The following PLCH1 variants were observed in gnomAD, a reference collection of about 807,000 sequenced individuals.
The protein encoded by PLCH1 is phospholipase C eta 1.
Under a neutral mutation model 126.7 loss-of-function variants are expected in PLCH1, and 60 were observed. The observed-to-expected ratio is 0.47, with a 90% CI of 0.38 to 0.59. The LOEUF is 0.59. Among genes scored for constraint, PLCH1 ranks in the 20% least tolerant of loss-of-function variants. PLCH1 has a pLI of 0.00. For missense variants in PLCH1, 1,723 were observed against 2,040.0 expected, an observed-to-expected ratio of 0.84 and a Z score of 2.99; for synonymous variants, 719 against 734.9, an observed-to-expected ratio of 0.98 and a Z score of 0.35.
chr3:155,726,404 A>G (rs1380076225), intron 1 of PLCH1, among the ~76,000 whole-genome samples: 2 of 152,136 alleles, frequency 1.3e-5, no homozygotes, highest in East Asian at 3.9e-4. Flanking sequence ...ATAATATTCT[A>G]TTGTCTTCTG....
intron 1 of PLCH1, among the ~76,000 whole-genome samples, chr3:155,734,675 T>C (rs1446845706): frequency 1.3e-5 from 2 of 151,600 alleles, no homozygotes; most frequent in Non-Finnish European, 2.9e-5. Flanking sequence ...AAATGTGGTA[T>C]ATATATATAC....
intron 2 of PLCH1, among the ~76,000 whole-genome samples, chr3:155,624,858 C>T (rs560636689): frequency 3.9e-5 from 6 of 152,128 alleles, no homozygotes; most frequent in Non-Finnish European, 8.8e-5. Context: ...CATCAAGCTA[C>T]CACTGACTTT....
intron 14 of PLCH1, among the ~76,000 whole-genome samples, chr3:155,497,839 C>T (rs1054247908): frequency 6.6e-6 from 1 of 152,086 alleles, no homozygotes; most frequent in South Asian, 2.1e-4. Flanking sequence ...CTCAGCCTCC[C>T]GAGTAGCTGG....
At chr3:155,649,931 T>C (rs527311716) in intron 2 of PLCH1, among the ~76,000 whole-genome samples, 1 of 151,918 alleles carries the variant, frequency 6.6e-6, no homozygotes, top group Admixed American at 6.6e-5. Flanking sequence ...TGAGCCGAGA[T>C]AGCGCCACTG....
intron 10 of PLCH1, among the ~76,000 whole-genome samples, chr3:155,544,434 A>T (rs1201567457): frequency 6.6e-6 from 1 of 152,220 alleles, no homozygotes; most frequent in Non-Finnish European, 1.5e-5. Context: ...ACACATTAAC[A>T]TTGGGAGACT....
intron 10 of PLCH1, among the ~76,000 whole-genome samples, chr3:155,548,287 C>G (rs1021654417): frequency 6.6e-6 from 1 of 152,118 alleles, no homozygotes; most frequent in African/African-American, 2.4e-5. Flanking sequence ...AATGGGGTTG[C>G]GCTGGTCCGC....
chr3:155,499,047 C>T (rs1446385144), intron 14 of PLCH1, among the ~76,000 whole-genome samples: 1 of 152,184 alleles, frequency 6.6e-6, no homozygotes, highest in African/African-American at 2.4e-5. Context: ...GTATGTGGTC[C>T]GTACTCTAGG....
chr3:155,498,021 T>C (rs1458167288), intron 14 of PLCH1, among the ~76,000 whole-genome samples: 1 of 152,142 alleles, frequency 6.6e-6, no homozygotes, highest in Non-Finnish European at 1.5e-5. Flanking sequence ...GGCCATGAGT[T>C]TTAAATTGTA....
intron 2 of PLCH1, among the ~76,000 whole-genome samples, chr3:155,612,908 T>TAAAAAAAAAAAAAAAAAAAAA (rs59489759): frequency 1.1e-5 from 1 of 94,640 alleles, no homozygotes; most frequent in African/African-American, 5.3e-5. Flanking sequence ...AACTGTGTAT[T>TAAAAAAAAAAAAAAAAAAAAA]AAAAAAAAAA....
chr3:155,533,082 C>A (rs1179858216), intron 10 of PLCH1, among the ~76,000 whole-genome samples: 1 of 152,170 alleles, frequency 6.6e-6, no homozygotes, highest in African/African-American at 2.4e-5. Flanking sequence ...GGAACTGGAG[C>A]AAAGATCAGT....
intron 10 of PLCH1, among the ~76,000 whole-genome samples, chr3:155,537,165 G>A (rs192904649): frequency 2.6e-4 from 30 of 117,130 alleles, no homozygotes; most frequent in Admixed American, 6.0e-4. Context: ...GAGAGAATTC[G>A]CCACTACCAA....
intron 1 of PLCH1, among the ~76,000 whole-genome samples, chr3:155,716,744 C>A (rs1747543822): frequency 6.6e-6 from 1 of 152,224 alleles, no homozygotes; most frequent in East Asian, 1.9e-4. Flanking sequence ...TACAAGTGAA[C>A]ATGAGATTTG....
chr3:155,685,076 A>T (rs969763841), intron 2 of PLCH1, among the ~76,000 whole-genome samples: 1 of 152,212 alleles, frequency 6.6e-6, no homozygotes, highest in Non-Finnish European at 1.5e-5. Context: ...CCAGAAGAGT[A>T]GTGAGTACCA....
At chr3:155,525,765 C>T (rs1191949686) in intron 10 of PLCH1, among the ~76,000 whole-genome samples, 1 of 151,932 alleles carries the variant, frequency 6.6e-6, no homozygotes, top group Non-Finnish European at 1.5e-5. Flanking sequence ...AGGGAACATT[C>T]TTATAAGATA....
chr3:155,656,402 T>C (rs1338109416), intron 2 of PLCH1, among the ~76,000 whole-genome samples: 2 of 152,224 alleles, frequency 1.3e-5, no homozygotes, highest in East Asian at 1.9e-4. Flanking sequence ...CCCTCACTTA[T>C]GAATATTTAC....
At chr3:155,454,174 A>G (rs73011519) in intron 21 of PLCH1, among the ~76,000 whole-genome samples, 3 of 152,176 alleles carry the variant, frequency 2.0e-5, no homozygotes, top group Non-Finnish European at 4.4e-5. Context: ...TGGGCTTGCT[A>G]TCTGATGTAC....
intron 1 of PLCH1, among the ~76,000 whole-genome samples, chr3:155,737,165 G>A (rs1230244682): frequency 7.2e-6 from 1 of 139,810 alleles, no homozygotes; most frequent in African/African-American, 2.6e-5. Flanking sequence ...CCGGAAAGCG[G>A]AGGTTGCAGT....
intron 10 of PLCH1, among the ~76,000 whole-genome samples, chr3:155,536,354 G>C (rs573901814): frequency 6.6e-6 from 1 of 152,284 alleles, no homozygotes; most frequent in Non-Finnish European, 1.5e-5. Flanking sequence ...AAAGCATTCA[G>C]AAGGTTGATA....
At chr3:155,611,411 TA>T (rs1299904346) in intron 2 of PLCH1, among the ~76,000 whole-genome samples, 1 of 151,156 alleles carries the variant, frequency 6.6e-6, no homozygotes, top group Non-Finnish European at 1.5e-5. Context: ...TAAATACAAA[TA>T]AAAAAACAAA....
Sources: allele counts gnomAD v4.1 joint callset (sites outside exome capture counted in the v4.1 genomes callset), GRCh38; gene constraint gnomAD v4.1.1; transcripts MANE v1.5; gene names NCBI Gene and HGNC (gene_info 2026-07-23, HGNC 2026-07-21).